The following COL13A1 variants were observed in gnomAD, a reference collection of about 807,000 sequenced individuals.
COL13A1 encodes collagen type XIII alpha 1 chain.
A neutral mutation model predicts 130.9 loss-of-function variants in COL13A1; 89 were observed. The observed-to-expected ratio is 0.68, with a 90% CI of 0.57 to 0.81. The LOEUF is 0.81. COL13A1 is among the 30% of genes least tolerant of loss of function. The pLI is 0.00. For missense variants in COL13A1, 879 were observed against 934.6 expected (o/e 0.94, Z 0.78); for synonymous variants, 402 against 341.6 (o/e 1.18, Z -1.95).
At chr10:69,880,643 G>A in intron 7 of COL13A1, 90 bp downstream of exon 7, 1 of 1,384,218 alleles carries the variant, frequency 7.2e-7, no homozygotes, top group Non-Finnish European at 1.0e-6. Context: ...GGACAGCGAG[G>A]GCGGCTGTGC....
At chr10:69,856,403 G>C (rs1221689203) in intron 2 of COL13A1, among the ~76,000 whole-genome samples, 2 of 152,110 alleles carry the variant, frequency 1.3e-5, no homozygotes, top group East Asian at 3.9e-4. Flanking sequence ...GACCTGCCTG[G>C]CTCCTTGTAG....
intron 2 of COL13A1, among the ~76,000 whole-genome samples, chr10:69,836,959 C>T (rs1276146074): frequency 1.4e-4 from 15 of 107,644 alleles, no homozygotes; most frequent in South Asian, 3.3e-4. Flanking sequence ...CATGACAGGC[C>T]GGAGGGAGGG....
At chr10:69,835,081 G>A (rs1849691973) in intron 2 of COL13A1, among the ~76,000 whole-genome samples, 1 of 152,152 alleles carries the variant, frequency 6.6e-6, no homozygotes, top group African/African-American at 2.4e-5. Context: ...AGGGCCCTGT[G>A]CCCCTTCACC....
chr10:69,809,996 A>AT (rs1219302642), intron 1 of COL13A1, among the ~76,000 whole-genome samples: 19 of 152,076 alleles, frequency 1.2e-4, no homozygotes, highest in Non-Finnish European at 2.8e-4. Flanking sequence ...ATCCTATTTG[A>AT]TCACTCTGCC....
chr10:69,950,466 G>T (rs559247729), intron 38 of COL13A1, among the ~76,000 whole-genome samples: 40 of 152,292 alleles, frequency 2.6e-4, no homozygotes, highest in African/African-American at 9.1e-4. Flanking sequence ...TACCCCCGGG[G>T]TATCCTGGAC....
intron 1 of COL13A1, among the ~76,000 whole-genome samples, chr10:69,821,143 G>A (rs974189051): frequency 2.0e-5 from 3 of 152,200 alleles, no homozygotes; most frequent in African/African-American, 7.2e-5. Flanking sequence ...CAGAGCACAG[G>A]CTTCATGTGG....
chr10:69,862,857 C>T (rs909578339), intron 2 of COL13A1, among the ~76,000 whole-genome samples: 4 of 152,068 alleles, frequency 2.6e-5, no homozygotes, highest in African/African-American at 4.8e-5. Flanking sequence ...TTGGGCAGAC[C>T]GAGTGAAATA....
chr10:69,859,220 A>T lies in COL13A1; in HGVS notation c.365-8578A>T, dbSNP rs374797137. 1.7e-4 allele frequency among the ~76,000 whole-genome samples: 26 copies of T among 152,370 alleles called. 1 individual carries two copies. In the East Asian group the frequency reaches 3.1e-3, roughly 18 times the overall value. On this transcript the variant is annotated intron_variant, in intron 2 of 40. Transcript: ENST00000645393. Reference sequence around the variant, plus strand: ...CAGACCAAAATGGGTTATTAATATTAGGTTGATGCAAAAGTAATTGCGGGT... The same window carrying T: ...CAGACCAAAATGGGTTATTAATATTTGGTTGATGCAAAAGTAATTGCGGGT...
chr10:69,942,644 G>A (rs535939766), intron 35 of COL13A1, among the ~76,000 whole-genome samples: 4 of 152,238 alleles, frequency 2.6e-5, no homozygotes, highest in South Asian at 4.1e-4. Flanking sequence ...CACTTCCTAC[G>A]CGTCAGGCTC....
In COL13A1 at chr10:69,930,450, C is replaced by A. The variant is rs372016408; in HGVS notation, c.1581C>A (p.Pro527=). The A allele has an allele frequency of 1.6e-4, 257 of 1,613,710 alleles. No individual in the cohort carries two copies. In the South Asian group the frequency reaches 2.2e-3, roughly 14 times the overall value. Residue 527 remains proline (P), a synonymous_variant, in exon 30 of 41, where the codon CCC becomes CCA. Coordinates refer to ENST00000645393, the MANE Select transcript of COL13A1 (RefSeq NM_001368882.1). ...GDMGPPGPQG[P]PGKDGPPGVK... ...TGGGCCCTCCTGGTCCCCAAGGCCC[C>A]CCAGGAAAGGATGGACCTCCAGGAG...
rs2070831040 is a variant in COL13A1, at chr10:69,956,953, G to C, written c.2146-51G>C. On this transcript the variant is annotated intron_variant, in intron 39 of 40. Transcript: ENST00000645393. ...CTTGTTACCCCTGTCCTGCCCACTT[G>C]GTGGACCATTGCAGGAAGTCTGAGC... The C allele has an allele frequency of 3.9e-6, 6 of 1,524,146 alleles. No homozygotes were observed. In the Admixed American group the frequency reaches 6.7e-5, roughly 17 times the overall value. The allele number at this position is 1,524,146 out of a possible 1,614,324, so 94.4% of individuals were successfully genotyped here.
intron 7 of COL13A1, among the ~76,000 whole-genome samples, chr10:69,881,153 C>T (rs1279418669): frequency 1.3e-5 from 2 of 152,182 alleles, no homozygotes; most frequent in African/African-American, 4.8e-5. Context: ...AGCAAGATAT[C>T]GAGGCTGTGG....
At chr10:69,853,970 T>C (rs1282026947) in intron 2 of COL13A1, among the ~76,000 whole-genome samples, 1 of 152,266 alleles carries the variant, frequency 6.6e-6, no homozygotes, top group Non-Finnish European at 1.5e-5. Flanking sequence ...CAGAGCTGTT[T>C]GAACAATAAA....
intron 2 of COL13A1, among the ~76,000 whole-genome samples, chr10:69,847,633 A>G (rs1336795357): frequency 2.0e-5 from 3 of 152,204 alleles, no homozygotes; most frequent in Non-Finnish European, 2.9e-5. Context: ...AAGCCTCCCA[A>G]TAAATAACAG....
chr10:69,945,832 G>A, intron 37 of COL13A1, 108 bp downstream of exon 37: 2 of 1,394,286 alleles, frequency 1.4e-6, no homozygotes, highest in Non-Finnish European at 2.0e-6. Flanking sequence ...CAGCACTTTG[G>A]GAGGCCGAGG....
At position 69,897,568 on chromosome 10, in the gene COL13A1, A is replaced by G. The variant is rs753224729; in HGVS notation, c.685-1129A>G. 1.9e-6 allele frequency: 3 copies of G among 1,602,242 alleles called. No individual in the cohort carries two copies. In the South Asian group the frequency reaches 3.3e-5, roughly 18 times the overall value. On this transcript the variant is annotated intron_variant, in intron 13 of 40. Coordinates refer to ENST00000645393, the MANE Select transcript of COL13A1 (RefSeq NM_001368882.1). ...CTGGAAGGTCTCCGGGCCCCTCTCCACTGAGAGGCTTCCTGAACATACAGC... is the reference window on the plus strand; with the variant it reads ...CTGGAAGGTCTCCGGGCCCCTCTCCGCTGAGAGGCTTCCTGAACATACAGC...
At chr10:69,858,829 G>T (rs983361021) in intron 2 of COL13A1, among the ~76,000 whole-genome samples, 3 of 152,204 alleles carry the variant, frequency 2.0e-5, no homozygotes, top group Non-Finnish European at 4.4e-5. Context: ...TAAATGTAAA[G>T]GTTAAGAAAG....
intron 7 of COL13A1, among the ~76,000 whole-genome samples, chr10:69,886,010 T>A (rs571900162): frequency 2.0e-5 from 3 of 152,180 alleles, no homozygotes; most frequent in Non-Finnish European, 4.4e-5. Context: ...CACAGGCCAC[T>A]GGACACTTAT....
intron 2 of COL13A1, among the ~76,000 whole-genome samples, chr10:69,829,829 C>G (rs1360115428): frequency 2.0e-5 from 3 of 152,250 alleles, no homozygotes; most frequent in African/African-American, 7.2e-5. Context: ...CTGGAAGAGC[C>G]TTTTCTCTCA....
Sources: gnomAD v4.1 joint callset for allele counts (sites outside exome capture counted in the v4.1 genomes callset) on GRCh38, gnomAD v4.1.1 for gene constraint, MANE v1.5 for transcripts, NCBI Gene and HGNC (gene_info 2026-07-23, HGNC 2026-07-21) for gene names.